Variants in RPTOR observed in about 807,000 individuals in gnomAD.
RPTOR encodes regulatory associated protein of MTOR complex 1, also known as regulatory-associated protein of mTOR.
RPTOR carries 21 observed loss-of-function variants against 169.9 expected under a neutral mutation model. The ratio of observed to expected loss-of-function variants is 0.12; its 90% CI spans 0.09 to 0.18. The LOEUF is 0.18. Among genes scored for constraint, RPTOR ranks in the 10% least tolerant of loss-of-function variants. RPTOR has a pLI of 1.00. For synonymous variants in RPTOR, 732 were observed against 753.2 expected (o/e 0.97, Z 0.46); for missense variants, 1,133 against 1,855.9 (o/e 0.61, Z 7.16).
At chr17:80,615,794 A>G (rs1055655124) in intron 1 of RPTOR, among the ~76,000 whole-genome samples, 9 of 151,814 alleles carry the variant, frequency 5.9e-5, no homozygotes, top group Admixed American at 6.6e-5. Context: ...AGCCCTTGTC[A>G]TTAATGTTAG....
At chr17:80,857,935 G>T in intron 13 of RPTOR, 35 bp downstream of exon 13, 1 of 1,526,914 alleles carries the variant, frequency 6.5e-7, no homozygotes. Flanking sequence ...AGAGTGATGT[G>T]AACCTGCCGG....
chr17:80,846,265 T>A (rs1385958617), intron 10 of RPTOR, among the ~76,000 whole-genome samples: 1 of 152,270 alleles, frequency 6.6e-6, no homozygotes, highest in African/African-American at 2.4e-5. Flanking sequence ...TCTCTTCTCC[T>A]GCCTGCCTCT....
At chr17:80,743,903 G>A (rs62069364) in intron 5 of RPTOR, among the ~76,000 whole-genome samples, 1 of 7,584 alleles carries the variant, frequency 1.3e-4, no homozygotes, top group East Asian at 3.6e-3. Context: ...TCCTGGTTAC[G>A]AGCACAGCCC....
At chr17:80,852,453 C>T (rs2067803546) in intron 11 of RPTOR, among the ~76,000 whole-genome samples, 1 of 152,102 alleles carries the variant, frequency 6.6e-6, no homozygotes, top group Non-Finnish European at 1.5e-5. Context: ...GTTCACATAT[C>T]CTGCGAGCAG....
chr17:80,785,928 A>G (rs1394172684), intron 6 of RPTOR, among the ~76,000 whole-genome samples: 1 of 152,150 alleles, frequency 6.6e-6, no homozygotes, highest in Non-Finnish European at 1.5e-5. Context: ...ACTCCAGCAC[A>G]TCGTGTGTTC....
intron 3 of RPTOR, among the ~76,000 whole-genome samples, chr17:80,703,918 G>T (rs1262025111): frequency 2.0e-5 from 3 of 152,210 alleles, no homozygotes; most frequent in East Asian, 1.9e-4. Context: ...CCATTATCAC[G>T]CCTCTGATTC....
chr17:80,880,312 G>T, intron 13 of RPTOR, 103 bp from the exon 14 acceptor site: 1 of 922,208 alleles, frequency 1.1e-6, no homozygotes, highest in Non-Finnish European at 1.8e-6. Context: ...AAATAATTGA[G>T]GTATAAGAAG....
At position 80,788,141 on chromosome 17, in the gene RPTOR, T is replaced by C. The variant is rs570616788; in HGVS notation, c.831-3309T>C. Among the ~76,000 whole-genome samples, 17 of 152,288 alleles carry C rather than the reference T, an allele frequency of 1.1e-4. 1 individual carries two copies. The South Asian group carries it at 3.1e-3, about 28-fold the overall frequency. Reference sequence around the variant, plus strand: ...ACATTTGAATGACAGTTTGGCTGGATACAAAATTCTAGGTTTTAGCTTCCT... The same window carrying C: ...ACATTTGAATGACAGTTTGGCTGGACACAAAATTCTAGGTTTTAGCTTCCT... On this transcript the variant is annotated intron_variant, in intron 6 of 33. Transcript: ENST00000306801.
intron 3 of RPTOR, among the ~76,000 whole-genome samples, chr17:80,647,726 G>A (rs1392197931): frequency 1.3e-5 from 2 of 152,194 alleles, no homozygotes; most frequent in African/African-American, 4.8e-5. Context: ...GGAGGAGGCG[G>A]AAGGCGCTCC....
At chr17:80,913,826 C>G (rs563771688) in intron 21 of RPTOR, among the ~76,000 whole-genome samples, 11 of 152,304 alleles carry the variant, frequency 7.2e-5, no homozygotes, top group African/African-American at 2.2e-4. Flanking sequence ...CCCTCAGGAG[C>G]CTGCCTGTGG....
intron 13 of RPTOR, among the ~76,000 whole-genome samples, chr17:80,864,783 G>T (rs886449954): frequency 1.3e-5 from 2 of 152,132 alleles, no homozygotes; most frequent in Non-Finnish European, 2.9e-5. Flanking sequence ...AAAGATAATT[G>T]TTTTAAGAAA....
Position 80,728,446 on chromosome 17 carries a change from G to GTGTGTGTGTGTGTGTGTGTGTGT in RPTOR, c.508-2114_508-2113insTGTGTGTGTGTGTGTGTGTGTGT, listed in dbSNP as rs2066359075. Among the ~76,000 whole-genome samples, 159 of 148,274 alleles carry GTGTGTGTGTGTGTGTGTGTGTGT rather than the reference G, an allele frequency of 1.1e-3. 1 individual carries two copies. Among genetic ancestry groups the GTGTGTGTGTGTGTGTGTGTGTGT allele is most frequent in the African/African-American group, 3.8e-3 (155 of 40,506 alleles). ...CATTTAGGTTTTCAGTCCACTCTGGGGTGTGTGTGTGTGTGTGTGTGTGTG... is the reference window on the plus strand; with the variant it reads ...CATTTAGGTTTTCAGTCCACTCTGGGTGTGTGTGTGTGTGTGTGTGTGTGTGTGTGTGTGTGTGTGTGTGTGTG... On this transcript the variant is annotated intron_variant, in intron 4 of 33. Coordinates refer to ENST00000306801, the MANE Select transcript of RPTOR (RefSeq NM_020761.3).
rs1000105279 is a variant in RPTOR, at chr17:80,857,865, G to A, written c.1474G>A (p.Val492Ile). The A allele has an allele frequency of 8.7e-6, 14 of 1,613,312 alleles. No homozygotes were observed. Among genetic ancestry groups the A allele is most frequent in the South Asian group, 6.6e-5 (6 of 91,082 alleles). Residue 492 changes from valine (V) to isoleucine (I), a missense_variant, in exon 13 of 34, where the codon GTT becomes ATT. Physicochemically the swap from Val to Ile is conservative, Grantham distance 29 (BLOSUM62 3). This residue lies in a region of RPTOR where 289 missense variants were observed against 585.8 expected (regional missense o/e 0.49). Coordinates refer to ENST00000306801, the MANE Select transcript of RPTOR (RefSeq NM_020761.3). ...GGCCCGAGAGCTGCGGCCACTTCTC[G>A]TTTTCATCTGGGCCAAGATCCTCGC... ...SSARELRPLL[V>I]FIWAKILAVD...
chr17:80,809,641 G>A (rs1360335455), intron 7 of RPTOR, among the ~76,000 whole-genome samples: 1 of 152,160 alleles, frequency 6.6e-6, no homozygotes, highest in Non-Finnish European at 1.5e-5. Context: ...TTCAAATTGT[G>A]GTGTTTGTCT....
rs995614760 is a variant in RPTOR at position 80,633,240 on chromosome 17, GT to G, written c.265+7450del. The stretch of plus-strand genomic sequence containing the variant: ...AGTGTGTAATTCCTGCCAGCCGGGA[GT>G]TTCTCTTTCCAGATGACAACGCAGT... On this transcript the variant is annotated intron_variant, in intron 2 of 33. Transcript: ENST00000306801. The surrounding 1 kb of genome is among the most constrained non-coding windows in gnomAD (Gnocchi z 4.1). 6.6e-6 allele frequency among the ~76,000 whole-genome samples: 1 copy of G among 152,252 alleles called. No homozygotes were observed. Among genetic ancestry groups the G allele is most frequent in the African/African-American group, 2.4e-5 (1 of 41,474 alleles).
At chr17:80,964,195 G>GGCCC in intron 33 of RPTOR, 67 bp from the exon 34 acceptor site, 25 of 1,105,582 alleles carry the variant, frequency 2.3e-5, no homozygotes, top group Non-Finnish European at 3.1e-5. Flanking sequence ...GTTGGCCTGC[G>GGCCC]CCCCCCCGCC....
chr17:80,862,792 G>A (rs1034256552), intron 13 of RPTOR, among the ~76,000 whole-genome samples: 1 of 151,850 alleles, frequency 6.6e-6, no homozygotes, highest in Non-Finnish European at 1.5e-5. Flanking sequence ...CCATTGTGCA[G>A]ATCGGGGTGC....
At chr17:80,822,786 A>G (rs1308596607) in intron 8 of RPTOR, among the ~76,000 whole-genome samples, 7 of 81,700 alleles carry the variant, frequency 8.6e-5, no homozygotes, top group Non-Finnish European at 1.7e-4. Context: ...GTACACCTGT[A>G]TGTGTGTGCG....
chr17:80,745,597 T>C (rs2066564991), intron 5 of RPTOR, among the ~76,000 whole-genome samples: 1 of 152,244 alleles, frequency 6.6e-6, no homozygotes, highest in South Asian at 2.1e-4. Context: ...TCTTTGACTA[T>C]TAATAGAGTT....
Sources: allele counts gnomAD v4.1 joint callset (sites outside exome capture counted in the v4.1 genomes callset), GRCh38; gene constraint gnomAD v4.1.1; regional missense constraint gnomAD v4.1.1; non-coding constraint Gnocchi (gnomAD v3.1); transcripts MANE v1.5; gene names NCBI Gene and HGNC (gene_info 2026-07-23, HGNC 2026-07-21).